PARD3B: variants seen among roughly 807,000 people sequenced by gnomAD.
PARD3B encodes partitioning defective 3 homolog B.
A neutral mutation model predicts 130.2 loss-of-function variants in PARD3B; 103 were observed. That is an observed-to-expected ratio of 0.79 (90% CI 0.67 to 0.93). The LOEUF (loss-of-function observed/expected upper bound fraction) is 0.93. PARD3B is among the 40% of genes least tolerant of loss of function. The pLI is 0.00. For synonymous variants in PARD3B, 583 were observed against 553.2 expected, an observed-to-expected ratio of 1.05 and a Z score of -0.76; for missense variants, 1,609 against 1,499.2, an observed-to-expected ratio of 1.07 and a Z score of -1.21.
intron 2 of PARD3B, among the ~76,000 whole-genome samples, chr2:204,802,312 A>G (rs1313924214): frequency 6.6e-6 from 1 of 152,198 alleles, no homozygotes; most frequent in Non-Finnish European, 1.5e-5. Context: ...TGCCAGATTG[A>G]ATGACGATCA....
At chr2:205,425,856 T>C (rs1272694481) in intron 19 of PARD3B, among the ~76,000 whole-genome samples, 1 of 152,202 alleles carries the variant, frequency 6.6e-6, no homozygotes, top group African/African-American at 2.4e-5. Context: ...CATATTGGAT[T>C]CTGCAAACCA....
At chr2:204,806,679 G>A (rs536659817) in intron 2 of PARD3B, among the ~76,000 whole-genome samples, 1 of 152,092 alleles carries the variant, frequency 6.6e-6, no homozygotes, top group South Asian at 2.1e-4. Context: ...CACAACAATG[G>A]AAATACTCAA....
At chr2:204,580,385 G>A (rs2032491794) in intron 1 of PARD3B, among the ~76,000 whole-genome samples, 1 of 151,810 alleles carries the variant, frequency 6.6e-6, no homozygotes, top group African/African-American at 2.4e-5. Flanking sequence ...TCTCTTCTTC[G>A]TCACTCATGC....
intron 2 of PARD3B, among the ~76,000 whole-genome samples, chr2:204,724,707 T>C (rs1574820801): frequency 2.0e-5 from 3 of 152,214 alleles, no homozygotes; most frequent in South Asian, 4.1e-4. Flanking sequence ...TAGTAGGAGA[T>C]ACCAAATAGT....
intron 4 of PARD3B, among the ~76,000 whole-genome samples, chr2:205,081,051 G>A (rs1701376376): frequency 6.6e-6 from 1 of 151,906 alleles, no homozygotes; most frequent in South Asian, 2.1e-4. Context: ...AAAAACATGG[G>A]TTGTGGGTAT....
intron 18 of PARD3B, among the ~76,000 whole-genome samples, chr2:205,318,792 G>T (rs1336923245): frequency 1.3e-5 from 2 of 152,084 alleles, no homozygotes; most frequent in Non-Finnish European, 2.9e-5. Context: ...GCAATCCTTT[G>T]ATCAGCCTTC....
intron 20 of PARD3B, among the ~76,000 whole-genome samples, chr2:205,486,300 C>T (rs779122101): frequency 1.3e-5 from 2 of 152,152 alleles, no homozygotes. Flanking sequence ...ATTCTGTACA[C>T]CCCTAATGTT....
At chr2:204,753,989 T>G (rs1278362458) in intron 2 of PARD3B, among the ~76,000 whole-genome samples, 1 of 152,164 alleles carries the variant, frequency 6.6e-6, no homozygotes, top group African/African-American at 2.4e-5. Flanking sequence ...AAGTTCACAA[T>G]TCTGTATAGT....
intron 2 of PARD3B, among the ~76,000 whole-genome samples, chr2:204,877,768 A>G (rs1297901755): frequency 6.6e-6 from 1 of 152,212 alleles, no homozygotes; most frequent in African/African-American, 2.4e-5. Flanking sequence ...GTAAGTTTGC[A>G]GACAGGAGAA....
intron 2 of PARD3B, among the ~76,000 whole-genome samples, chr2:204,690,065 T>G (rs1008533925): frequency 6.6e-6 from 1 of 152,180 alleles, no homozygotes; most frequent in African/African-American, 2.4e-5. Context: ...CCTGTTTGCC[T>G]ATAGCCTGCA....
chr2:205,460,745 G>A lies in PARD3B; in HGVS notation c.3044+20073G>A, dbSNP rs551854039. Among the ~76,000 whole-genome samples the A allele has an allele frequency of 4.6e-5, 7 of 152,238 alleles. No homozygotes were observed. Among genetic ancestry groups the A allele is most frequent in the African/African-American group, 1.7e-4 (7 of 41,552 alleles). ...CAGAGGCCTGAATGAGTTAATGCAT[G>A]GCAAACCTGAAGCACAGTGACTGGT... On this transcript the variant is annotated intron_variant, in intron 20 of 22. Transcript: ENST00000406610. The surrounding 1 kb of genome is among the most constrained non-coding windows in gnomAD (Gnocchi z 4.9).
At chr2:205,112,881 A>G (rs1239726747) in intron 5 of PARD3B, among the ~76,000 whole-genome samples, 1 of 152,184 alleles carries the variant, frequency 6.6e-6, no homozygotes, top group Non-Finnish European at 1.5e-5. Flanking sequence ...ACAAAAGTAT[A>G]GGAGGTGAAA....
chr2:205,424,024 G>T (rs1310473562), intron 19 of PARD3B, among the ~76,000 whole-genome samples: 1 of 152,038 alleles, frequency 6.6e-6, no homozygotes, highest in Non-Finnish European at 1.5e-5. Flanking sequence ...GTACTACAAA[G>T]GCCCATAACA....
intron 5 of PARD3B, among the ~76,000 whole-genome samples, chr2:205,109,638 G>A (rs937750278): frequency 5.5e-5 from 8 of 146,432 alleles, no homozygotes; most frequent in African/African-American, 7.6e-5. Flanking sequence ...CTCTAATAGG[G>A]AAATACCTAA....
In PARD3B at chr2:204,943,761, TC is replaced by T. The variant is rs1176568954; in HGVS notation, c.223-21390del. 6.6e-6 allele frequency among the ~76,000 whole-genome samples: 1 copy of T among 152,164 alleles called. No individual in the cohort carries two copies. Among genetic ancestry groups the T allele is most frequent in the Non-Finnish European group, 1.5e-5 (1 of 68,038 alleles). ...TCTCTTCCTTGAGGGAAAGTTCGCC[TC>T]TCCATTGCCATCCCTACATTGCCTT... On this transcript the variant is annotated intron_variant, in intron 2 of 22. Transcript: ENST00000406610. The surrounding 1 kb of genome is among the most constrained non-coding windows in gnomAD (Gnocchi z 4.2).
At chr2:205,260,704 T>A (rs908260390) in intron 16 of PARD3B, among the ~76,000 whole-genome samples, 2 of 152,056 alleles carry the variant, frequency 1.3e-5, no homozygotes, top group Admixed American at 6.6e-5. Context: ...CTCTAAGAGG[T>A]CAGTATTATG....
At chr2:204,793,069 T>C (rs1346664460) in intron 2 of PARD3B, among the ~76,000 whole-genome samples, 1 of 152,174 alleles carries the variant, frequency 6.6e-6, no homozygotes. Context: ...GACCAATTTT[T>C]TGTTTAATCC....
chr2:204,876,375 G>C (rs181527780), intron 2 of PARD3B, among the ~76,000 whole-genome samples: 1 of 152,146 alleles, frequency 6.6e-6, no homozygotes, highest in Admixed American at 6.5e-5. Flanking sequence ...GGACATTTTT[G>C]TAGAGCAAAT....
At chr2:205,368,223 T>C (rs1404266054) in intron 18 of PARD3B, among the ~76,000 whole-genome samples, 1 of 152,214 alleles carries the variant, frequency 6.6e-6, no homozygotes, top group Non-Finnish European at 1.5e-5. Context: ...GATATACCAA[T>C]ACTGGTGGGA....
Sources: allele counts gnomAD v4.1 joint callset (sites outside exome capture counted in the v4.1 genomes callset), GRCh38; gene constraint gnomAD v4.1.1; non-coding constraint Gnocchi (gnomAD v3.1); transcripts MANE v1.5; gene names NCBI Gene and HGNC (gene_info 2026-07-23, HGNC 2026-07-21).